Variants in NAALADL2 observed in about 807,000 individuals in gnomAD.
The protein encoded by NAALADL2 is N-acetylated alpha-linked acidic dipeptidase like 2, also known as inactive N-acetylated-alpha-linked acidic dipeptidase-like protein 2.
NAALADL2 carries 76 observed loss-of-function variants against 87.2 expected under a neutral mutation model. The ratio of observed to expected loss-of-function variants is 0.87; its 90% CI spans 0.72 to 1.05. The LOEUF (loss-of-function observed/expected upper bound fraction) is 1.05. Ranked by LOEUF, NAALADL2 falls within the 50% of genes least tolerant of loss-of-function variation. The pLI, the probability that NAALADL2 is intolerant of heterozygous loss-of-function variation, is 0.00. For missense variants in NAALADL2, 1,089 were observed against 945.8 expected, an observed-to-expected ratio of 1.15 and a Z score of -1.99; for synonymous variants, 354 against 331.0, an observed-to-expected ratio of 1.07 and a Z score of -0.75.
intron 12 of NAALADL2, among the ~76,000 whole-genome samples, chr3:175,753,049 A>G (rs1746804477): frequency 6.6e-6 from 1 of 152,196 alleles, no homozygotes; most frequent in Non-Finnish European, 1.5e-5. Flanking sequence ...GATTTTCTAA[A>G]TGACTTAAAA....
At chr3:175,056,063 A>C (rs1409443945) in intron 1 of NAALADL2, among the ~76,000 whole-genome samples, 2 of 152,090 alleles carry the variant, frequency 1.3e-5, no homozygotes, top group African/African-American at 4.8e-5. Flanking sequence ...TAGAACTGAG[A>C]GTGGTCGCCA....
chr3:175,232,914 T>C (rs1433909716), intron 2 of NAALADL2, among the ~76,000 whole-genome samples: 1 of 152,068 alleles, frequency 6.6e-6, no homozygotes, highest in African/African-American at 2.4e-5. Context: ...AAAAACTTTC[T>C]CAGGATTAAA....
intron 5 of NAALADL2, among the ~76,000 whole-genome samples, chr3:175,366,122 C>T (rs1489713223): frequency 1.5e-5 from 2 of 134,600 alleles, no homozygotes; most frequent in African/African-American, 2.7e-5. Context: ...GGTTTTTTGT[C>T]CTTGCGATAG....
At chr3:174,975,991 A>G (rs1358352803) in intron 1 of NAALADL2, among the ~76,000 whole-genome samples, 1 of 152,220 alleles carries the variant, frequency 6.6e-6, no homozygotes, top group African/African-American at 2.4e-5. Context: ...TGAAACTGAG[A>G]TAATAAGTGT....
chr3:175,389,440 C>T (rs1768815104), intron 5 of NAALADL2, among the ~76,000 whole-genome samples: 1 of 152,084 alleles, frequency 6.6e-6, no homozygotes, highest in African/African-American at 2.4e-5. Flanking sequence ...GAAATATTAT[C>T]TTATCAATAT....
At chr3:175,667,221 AAG>A (rs1403817434) in intron 11 of NAALADL2, among the ~76,000 whole-genome samples, 65 of 125,904 alleles carry the variant, frequency 5.2e-4, no homozygotes, top group African/African-American at 2.6e-3. Flanking sequence ...GAAAGAAAGA[AAG>A]AAAGAAAGAA....
At chr3:175,027,636 C>T (rs1752368428) in intron 1 of NAALADL2, among the ~76,000 whole-genome samples, 1 of 152,060 alleles carries the variant, frequency 6.6e-6, no homozygotes, top group Non-Finnish European at 1.5e-5. Context: ...TTTTCTCTGT[C>T]TCATCAATAG....
intron 1 of NAALADL2, among the ~76,000 whole-genome samples, chr3:174,543,868 C>T (rs1050080467): frequency 2.0e-5 from 3 of 151,774 alleles, no homozygotes; most frequent in Admixed American, 6.6e-5. Context: ...ATGTGCCGAG[C>T]GTGGTGGCGT....
At chr3:175,215,859 G>T (rs1195723839) in intron 2 of NAALADL2, among the ~76,000 whole-genome samples, 1 of 152,230 alleles carries the variant, frequency 6.6e-6, no homozygotes, top group Non-Finnish European at 1.5e-5. Context: ...AAGACTGAAT[G>T]GATGGGTCTA....
intron 2 of NAALADL2, among the ~76,000 whole-genome samples, chr3:175,172,795 A>G (rs1381546386): frequency 6.6e-6 from 1 of 152,166 alleles, no homozygotes; most frequent in Non-Finnish European, 1.5e-5. Context: ...AATTTGGATT[A>G]TTGAAAAGGA....
intron 9 of NAALADL2, among the ~76,000 whole-genome samples, chr3:175,561,043 T>G (rs9829729): frequency 0.043 from 6,487 of 152,298 alleles, 310 homozygotes; most frequent in African/African-American, 0.12. Context: ...TGTCTTATCT[T>G]GAAAGGTGGA....
At chr3:175,418,378 A>T (rs1468075285) in intron 5 of NAALADL2, among the ~76,000 whole-genome samples, 2 of 152,162 alleles carry the variant, frequency 1.3e-5, no homozygotes, top group African/African-American at 4.8e-5. Flanking sequence ...TAAGGTTATC[A>T]TCCAATGCAT....
At chr3:175,218,829 G>C (rs1742925167) in intron 2 of NAALADL2, among the ~76,000 whole-genome samples, 1 of 151,016 alleles carries the variant, frequency 6.6e-6, no homozygotes, top group Admixed American at 6.6e-5. Context: ...TTTTGAGACG[G>C]AGTTTTGCTC....
intron 3 of NAALADL2, among the ~76,000 whole-genome samples, chr3:174,794,980 G>GGTTTTT (rs1560232117): frequency 1.3e-5 from 1 of 75,048 alleles, no homozygotes; most frequent in Admixed American, 1.5e-4. Context: ...TTCTAGTCCA[G>GGTTTTT]CTTTTTTTTT....
Position 175,097,123 on chromosome 3 carries a change from T to TA in NAALADL2, c.382dup (p.Ile128AsnfsTer34). On this transcript the variant is annotated frameshift_variant, in exon 2 of 14. Transcript: ENST00000454872. LOFTEE classifies it high-confidence loss of function. ...AATCGCTGCAACTTTTGCCACGTCT[T>TA]AAAAATACTTTGCACAGCCACCATT... 6.2e-7 allele frequency: 1 copy of TA among 1,613,782 alleles called. No homozygotes were observed. Among genetic ancestry groups the TA allele is most frequent in the Non-Finnish European group, 8.5e-7 (1 of 1,179,706 alleles).
intron 3 of NAALADL2, among the ~76,000 whole-genome samples, chr3:174,808,735 G>T (rs987210869): frequency 6.6e-6 from 1 of 151,884 alleles, no homozygotes; most frequent in African/African-American, 2.4e-5. Context: ...ACTAGAATTT[G>T]CTTTATATAA....
intron 2 of NAALADL2, among the ~76,000 whole-genome samples, chr3:174,593,927 T>C (rs1277371833): frequency 6.6e-6 from 1 of 152,158 alleles, no homozygotes; most frequent in Non-Finnish European, 1.5e-5. Context: ...CTGGCAGAGT[T>C]CTGTGAGCCC....
chr3:175,783,644 G>A (rs2150225090), intron 13 of NAALADL2, among the ~76,000 whole-genome samples: 1 of 152,140 alleles, frequency 6.6e-6, no homozygotes, highest in African/African-American at 2.4e-5. Flanking sequence ...CATGTTGTCT[G>A]CAAACAGGGA....
At chr3:175,673,682 C>T (rs74986643) in intron 11 of NAALADL2, among the ~76,000 whole-genome samples, 6,576 of 151,820 alleles carry the variant, frequency 0.043, 228 homozygotes, top group African/African-American at 0.094. Flanking sequence ...GTTTATGTTC[C>T]CTGATAACAC....
Sources: gnomAD v4.1 joint callset for allele counts (sites outside exome capture counted in the v4.1 genomes callset) on GRCh38, gnomAD v4.1.1 for gene constraint, MANE v1.5 for transcripts, NCBI Gene and HGNC (gene_info 2026-07-23, HGNC 2026-07-21) for gene names.